OSTF1: variants seen among roughly 807,000 people sequenced by gnomAD.
OSTF1 encodes osteoclast stimulating factor 1.
Under a neutral mutation model 37.2 loss-of-function variants are expected in OSTF1, and 27 were observed. The ratio of observed to expected loss-of-function variants is 0.73; its 90% CI spans 0.54 to 1.00. The LOEUF (loss-of-function observed/expected upper bound fraction) is 1.00, where lower values mean the gene tolerates loss of function less well. Among genes scored for constraint, OSTF1 ranks in the 50% least tolerant of loss-of-function variants. OSTF1 has a pLI of 0.00. For synonymous variants in OSTF1, 82 were observed against 89.2 expected (o/e 0.92, Z 0.46); for missense variants, 232 against 253.8 (o/e 0.91, Z 0.58).
At chr9:75,124,949 T>G (rs1825638208) in intron 2 of OSTF1, among the ~76,000 whole-genome samples, 1 of 152,038 alleles carries the variant, frequency 6.6e-6, no homozygotes, top group Admixed American at 6.6e-5. Flanking sequence ...CATAACTGAG[T>G]GAGATTAACT....
chr9:75,089,829 T>C (rs79487160), intron 1 of OSTF1, among the ~76,000 whole-genome samples: 2 of 152,256 alleles, frequency 1.3e-5, no homozygotes, highest in Non-Finnish European at 2.9e-5. Context: ...TCCTAAACTC[T>C]ATAGCTTTCA....
chr9:75,097,852 G>GTT (rs369920296), intron 1 of OSTF1, among the ~76,000 whole-genome samples: 125 of 135,084 alleles, frequency 9.3e-4, no homozygotes, highest in African/African-American at 2.2e-3. Context: ...TTATGCCTCA[G>GTT]TTTTTTTTTT....
chr9:75,120,308 T>G (rs1311181714), intron 2 of OSTF1, among the ~76,000 whole-genome samples: 1 of 152,114 alleles, frequency 6.6e-6, no homozygotes, highest in Non-Finnish European at 1.5e-5. Context: ...GGCCCAGGGC[T>G]GTTGTCTTTA....
intron 9 of OSTF1, among the ~76,000 whole-genome samples, chr9:75,145,884 A>G (rs1159263391): frequency 1.3e-5 from 2 of 152,200 alleles, no homozygotes; most frequent in African/African-American, 4.8e-5. Flanking sequence ...CTAGGGTTCT[A>G]GGTCCATCCC....
chr9:75,107,992 T>G (rs1295345399), intron 1 of OSTF1, among the ~76,000 whole-genome samples: 1 of 152,088 alleles, frequency 6.6e-6, no homozygotes, highest in East Asian at 1.9e-4. Context: ...ATCCCTACAC[T>G]TTGGGAGGCC....
chr9:75,145,917 G>A (rs1826016693), intron 9 of OSTF1, among the ~76,000 whole-genome samples: 1 of 152,144 alleles, frequency 6.6e-6, no homozygotes, highest in South Asian at 2.1e-4. Flanking sequence ...CCCCATACTT[G>A]GAACCGGTCA....
At chr9:75,130,952 A>T (rs903956180) in intron 4 of OSTF1, among the ~76,000 whole-genome samples, 20 of 152,166 alleles carry the variant, frequency 1.3e-4, no homozygotes, top group African/African-American at 4.8e-4. Flanking sequence ...TCTTGCAGAT[A>T]GTTTCTTAGA....
At chr9:75,128,797 C>T (rs904199297) in intron 3 of OSTF1, among the ~76,000 whole-genome samples, 9 of 151,094 alleles carry the variant, frequency 6.0e-5, no homozygotes, top group African/African-American at 2.2e-4. Context: ...AAAAAGGATA[C>T]ACAGATGTAA....
intron 1 of OSTF1, among the ~76,000 whole-genome samples, chr9:75,092,961 A>G (rs1180339780): frequency 2.0e-5 from 3 of 151,718 alleles, no homozygotes; most frequent in African/African-American, 7.3e-5. Context: ...TATCTGTGCC[A>G]CCATGGTACT....
At chr9:75,116,628 C>G (rs1369510254) in intron 1 of OSTF1, among the ~76,000 whole-genome samples, 2 of 136,050 alleles carry the variant, frequency 1.5e-5, no homozygotes, top group Admixed American at 7.4e-5. Context: ...TTTTTTTCCT[C>G]CGTGGTATTT....
intron 2 of OSTF1, among the ~76,000 whole-genome samples, chr9:75,126,752 C>T (rs1049317357): frequency 5.3e-5 from 8 of 152,038 alleles, no homozygotes; most frequent in African/African-American, 1.9e-4. Flanking sequence ...CCCACCATGC[C>T]CAGCTAATTT....
chr9:75,108,002 C>T (rs1809304883), intron 1 of OSTF1, among the ~76,000 whole-genome samples: 1 of 151,912 alleles, frequency 6.6e-6, no homozygotes, highest in Admixed American at 6.6e-5. Context: ...TTTGGGAGGC[C>T]GAGGTGGGAG....
At chr9:75,112,568 C>A (rs1564158936) in intron 1 of OSTF1, among the ~76,000 whole-genome samples, 1 of 152,112 alleles carries the variant, frequency 6.6e-6, no homozygotes, top group Non-Finnish European at 1.5e-5. Flanking sequence ...TGCATAATAG[C>A]CTAAGGAGTT....
At chr9:75,109,618 G>A (rs1411646195) in intron 1 of OSTF1, among the ~76,000 whole-genome samples, 1 of 152,162 alleles carries the variant, frequency 6.6e-6, no homozygotes, top group Non-Finnish European at 1.5e-5. Context: ...AAGTGTTGAG[G>A]TGACTCACTG....
At chr9:75,136,076 A>G (rs528171417) in intron 7 of OSTF1, among the ~76,000 whole-genome samples, 1 of 152,360 alleles carries the variant, frequency 6.6e-6, no homozygotes, top group South Asian at 2.1e-4. Flanking sequence ...ATAGCCTGTT[A>G]CATTCACTGC....
chr9:75,116,744 A>G (rs1825497243), intron 1 of OSTF1, among the ~76,000 whole-genome samples: 1 of 151,018 alleles, frequency 6.6e-6, no homozygotes, highest in Non-Finnish European at 1.5e-5. Flanking sequence ...GGTCATGTTT[A>G]TATTTTTAAA....
Position 75,146,800 on chromosome 9 carries a change from G to C in OSTF1, c.*59G>C. On this transcript the variant is annotated 3_prime_UTR_variant, in exon 10 of 10. Transcript: ENST00000346234. ...GTTGCTTTTGCCATTCCAAAACTTTGTCTTTGCCAGAAAAGTGTTGGTAAC... is the reference window on the plus strand; with the variant it reads ...GTTGCTTTTGCCATTCCAAAACTTTCTCTTTGCCAGAAAAGTGTTGGTAAC... 1 of 1,270,612 alleles carries C rather than the reference G, an allele frequency of 7.9e-7. No individual in the cohort carries two copies. Among genetic ancestry groups the C allele is most frequent in the Non-Finnish European group, 1.1e-6 (1 of 886,344 alleles). 78.7% of individuals were successfully genotyped at this position (1,270,612 alleles called of 1,614,324 possible). A position where few individuals can be genotyped will look rare whatever the true frequency, so the allele number is the denominator to read the frequency against.
intron 1 of OSTF1, among the ~76,000 whole-genome samples, chr9:75,115,852 C>G (rs993182977): frequency 9.2e-5 from 14 of 151,910 alleles, no homozygotes; most frequent in Admixed American, 7.9e-4. Context: ...GCCTGTAATC[C>G]CAGCACTTTG....
chr9:75,091,431 A>G (rs959228194), intron 1 of OSTF1, among the ~76,000 whole-genome samples: 3 of 152,096 alleles, frequency 2.0e-5, no homozygotes, highest in Admixed American at 2.0e-4. Flanking sequence ...TGGCGGTCAA[A>G]TGTGTATTTT....
Sources: gnomAD v4.1 joint callset for allele counts (sites outside exome capture counted in the v4.1 genomes callset) on GRCh38, gnomAD v4.1.1 for gene constraint, MANE v1.5 for transcripts, NCBI Gene and HGNC (gene_info 2026-07-23, HGNC 2026-07-21) for gene names.